SEPTIN9: variants seen among roughly 807,000 people sequenced by gnomAD.
SEPTIN9 encodes the protein septin-9.
A neutral mutation model predicts 56.6 loss-of-function variants in SEPTIN9; 13 were observed. That is an observed-to-expected ratio of 0.23 (90% CI 0.15 to 0.37). The LOEUF is 0.37. Ranked by LOEUF, SEPTIN9 falls within the 10% of genes least tolerant of loss-of-function variation. The pLI is 1.00. For missense variants in SEPTIN9, 650 were observed against 823.1 expected, an observed-to-expected ratio of 0.79 and a Z score of 2.57; for synonymous variants, 332 against 334.1, an observed-to-expected ratio of 0.99 and a Z score of 0.07.
chr17:77,498,395 G>A, intron 11 of SEPTIN9, 128 bp from the exon 12 acceptor site: 1 of 665,042 alleles, frequency 1.5e-6, no homozygotes, highest in South Asian at 1.8e-5. Flanking sequence ...GAGCCAAGCA[G>A]TCGGGATGGG....
chr17:77,374,478 G>A (rs895069900), intron 2 of SEPTIN9: 3 of 152,316 alleles, frequency 2.0e-5, no homozygotes, highest in African/African-American at 4.8e-5. Context: ...CCAGCGCTCT[G>A]GGGCAGGGCT....
At chr17:77,407,817 C>T (rs1001330158) in intron 3 of SEPTIN9, among the ~76,000 whole-genome samples, 4 of 152,220 alleles carry the variant, frequency 2.6e-5, no homozygotes, top group Non-Finnish European at 5.9e-5. Context: ...ATCCCTGGTC[C>T]TCTCAGGCTC....
In SEPTIN9 at chr17:77,499,107, C is replaced by G. The variant is rs1389295352; in HGVS notation, c.*449C>G. 1.9e-6 allele frequency: 1 copy of G among 536,102 alleles called. No homozygotes were observed. Among genetic ancestry groups the G allele is most frequent in the African/African-American group, 1.9e-5 (1 of 53,860 alleles). The allele number at this position is 536,102 out of a possible 1,614,324, so 33.2% of individuals were successfully genotyped here. A position where few individuals can be genotyped will look rare whatever the true frequency, so the allele number is the denominator to read the frequency against. ...CCCTGTCCCCTGGAGTGTGTCAGAGCCCAGGGGAGAATGCAGCCCACCAGG... is the reference window on the plus strand; with the variant it reads ...CCCTGTCCCCTGGAGTGTGTCAGAGGCCAGGGGAGAATGCAGCCCACCAGG... On this transcript the variant is annotated 3_prime_UTR_variant, in exon 12 of 12. Coordinates refer to ENST00000427177, the MANE Select transcript of SEPTIN9 (RefSeq NM_001113491.2).
At chr17:77,366,330 G>A (rs2034570013) in intron 2 of SEPTIN9, among the ~76,000 whole-genome samples, 1 of 152,152 alleles carries the variant, frequency 6.6e-6, no homozygotes, top group South Asian at 2.1e-4. Flanking sequence ...TGTGTCTTGC[G>A]GGGCTGGAGT....
Position 77,365,394 on chromosome 17 carries a change from C to CTCTT in SEPTIN9, c.77-36654_77-36651dup, listed in dbSNP as rs1019218913. ...TCTTTCCTTCCTGTCTTATTCTTTC[C>CTCTT]TCTTTCTTTCTTTCCTCTCTCTCTC... On this transcript the variant is annotated intron_variant, in intron 2 of 11. Transcript: ENST00000427177. 4.6e-5 allele frequency among the ~76,000 whole-genome samples: 7 copies of CTCTT among 151,340 alleles called. No homozygotes were observed. In the East Asian group the frequency reaches 1.4e-3, roughly 29 times the overall value.
rs372057860 is a variant in SEPTIN9 at position 77,364,003 on chromosome 17, A to G, written c.77-38056A>G. Among the ~76,000 whole-genome samples the G allele has an allele frequency of 1.4e-4, 21 of 151,830 alleles. 1 individual carries two copies. The South Asian group carries it at 1.9e-3, about 14-fold the overall frequency. On this transcript the variant is annotated intron_variant, in intron 2 of 11. Transcript: ENST00000427177. ...AGGGGGAGAAAAGTGAGGAGGGGGAACAGAGTGCGAGGGGGACTGTGTTAA... is the reference window on the plus strand; with the variant it reads ...AGGGGGAGAAAAGTGAGGAGGGGGAGCAGAGTGCGAGGGGGACTGTGTTAA...
chr17:77,440,531 G>A (rs1269021262), intron 3 of SEPTIN9, among the ~76,000 whole-genome samples: 2 of 152,240 alleles, frequency 1.3e-5, no homozygotes, highest in African/African-American at 4.8e-5. Context: ...ACAGATACAT[G>A]AAGCTTGTCA....
At chr17:77,393,964 A>ATGTCACTCTCCTGTTTGGTTC (rs2035624509) in intron 2 of SEPTIN9, among the ~76,000 whole-genome samples, 1 of 152,118 alleles carries the variant, frequency 6.6e-6, no homozygotes, top group Non-Finnish European at 1.5e-5. Flanking sequence ...GACTGTGGTT[A>ATGTCACTCTCCTGTTTGGTTC]TGTCACTCTC....
At chr17:77,448,063 T>C (rs991703759) in intron 3 of SEPTIN9, among the ~76,000 whole-genome samples, 1 of 152,258 alleles carries the variant, frequency 6.6e-6, no homozygotes, top group Non-Finnish European at 1.5e-5. Flanking sequence ...TGTATCCTAT[T>C]GTCCTCTAAA....
At chr17:77,290,647 C>G (rs1217941287) in intron 1 of SEPTIN9, among the ~76,000 whole-genome samples, 1 of 150,782 alleles carries the variant, frequency 6.6e-6, no homozygotes, top group African/African-American at 2.4e-5. Context: ...AACCCCGTCT[C>G]TACTAAAAAT....
At position 77,453,193 on chromosome 17, in the gene SEPTIN9, C is replaced by T. The variant is rs1000789701; in HGVS notation, c.722-28951C>T. 6.6e-6 allele frequency among the ~76,000 whole-genome samples: 1 copy of T among 152,074 alleles called. No homozygotes were observed. Among genetic ancestry groups the T allele is most frequent in the Non-Finnish European group, 1.5e-5 (1 of 68,010 alleles). On this transcript the variant is annotated intron_variant, in intron 3 of 11. Transcript: ENST00000427177. This position sits in a 1 kb window ranked among gnomAD's most constrained non-coding sequence, Gnocchi z 4.4. ...TGTGCGCCTGGGGGGTGGCGTGGGG[C>T]ACTCTGGGATGAGAAGATGCGACTT...
intron 3 of SEPTIN9, chr17:77,469,046 T>C (rs1457150122): frequency 6.6e-6 from 1 of 152,270 alleles, no homozygotes; most frequent in Non-Finnish European, 1.5e-5. Context: ...CCTTCAGATG[T>C]TGGGGCTTGA....
chr17:77,418,650 C>T (rs2036585126), intron 3 of SEPTIN9, among the ~76,000 whole-genome samples: 1 of 152,172 alleles, frequency 6.6e-6, no homozygotes, highest in Non-Finnish European at 1.5e-5. Flanking sequence ...GCCTCCAGCT[C>T]TGCCTTGATT....
chr17:77,341,775 A>G (rs552007129), intron 2 of SEPTIN9, among the ~76,000 whole-genome samples: 264 of 99,128 alleles, frequency 2.7e-3, no homozygotes, highest in African/African-American at 8.8e-3. Context: ...ACAGAGCGAG[A>G]CTCCATCTCA....
At position 77,389,691 on chromosome 17, in the gene SEPTIN9, G is replaced by A. The variant is rs1383479558; in HGVS notation, c.77-12368G>A. 2.0e-5 allele frequency among the ~76,000 whole-genome samples: 3 copies of A among 151,754 alleles called. No individual in the cohort carries two copies. The East Asian group carries it at 5.9e-4, about 30-fold the overall frequency. ...CACCCTTCTGCTGCCTTCCACCAGG[G>A]ACGGAGGGTGGGCGGCCCTCCCACC... On this transcript the variant is annotated intron_variant, in intron 2 of 11. Transcript: ENST00000427177. The surrounding 1 kb of genome is among the most constrained non-coding windows in gnomAD (Gnocchi z 4.3).
At chr17:77,390,440 C>A (rs1485161549) in intron 2 of SEPTIN9, among the ~76,000 whole-genome samples, 5 of 128,408 alleles carry the variant, frequency 3.9e-5, no homozygotes, top group East Asian at 2.7e-4. Flanking sequence ...AAAAAAAAAA[C>A]TGCACATTTC....
At chr17:77,463,792 G>A (rs993634865) in intron 3 of SEPTIN9, among the ~76,000 whole-genome samples, 4 of 152,044 alleles carry the variant, frequency 2.6e-5, no homozygotes, top group African/African-American at 7.2e-5. Context: ...GCAGTGAGCC[G>A]AGATCGCGCC....
chr17:77,344,206 C>T (rs1304592892), intron 2 of SEPTIN9, among the ~76,000 whole-genome samples: 3 of 151,844 alleles, frequency 2.0e-5, no homozygotes, highest in African/African-American at 7.3e-5. Flanking sequence ...ACCCAGTGAA[C>T]AGACATTTTT....
In SEPTIN9 at chr17:77,499,619, C is replaced by G. The variant is rs1773218278; in HGVS notation, c.*961C>G. ...CAGAGTGGCGTGAGCTGCCCGGCGCCTGCCCTGCCCAAGTGACCAGGGAAG... is the reference window on the plus strand; with the variant it reads ...CAGAGTGGCGTGAGCTGCCCGGCGCGTGCCCTGCCCAAGTGACCAGGGAAG... On this transcript the variant is annotated 3_prime_UTR_variant, in exon 12 of 12. Transcript: ENST00000427177. 2.3e-6 allele frequency: 1 copy of G among 436,096 alleles called. No homozygotes were observed. The highest frequency in any genetic ancestry group is 2.0e-5 in the African/African-American group (1 of 50,536). 27.0% of individuals were successfully genotyped at this position (436,096 alleles called of 1,614,324 possible).
Sources: gnomAD v4.1 joint callset for allele counts (sites outside exome capture counted in the v4.1 genomes callset) on GRCh38, gnomAD v4.1.1 for gene constraint, Gnocchi (gnomAD v3.1) non-coding constraint, MANE v1.5 for transcripts, NCBI Gene and HGNC (gene_info 2026-07-23, HGNC 2026-07-21) for gene names.